PDE8B: variants seen among roughly 807,000 people sequenced by gnomAD.
PDE8B encodes the protein phosphodiesterase 8B, also known as high affinity cAMP-specific and IBMX-insensitive 3',5'-cyclic phosphodiesterase 8B.
In PDE8B, 26 loss-of-function variants were observed where a neutral mutation model predicts 101.3. The observed-to-expected ratio is 0.26, with a 90% CI of 0.19 to 0.36. The LOEUF is 0.36. Among genes scored for constraint, PDE8B ranks in the 10% least tolerant of loss-of-function variants. PDE8B has a pLI of 1.00. For synonymous variants in PDE8B, 424 were observed against 429.3 expected (o/e 0.99, Z 0.15); for missense variants, 810 against 1,163.1 (o/e 0.70, Z 4.42).
intron 9 of PDE8B, among the ~76,000 whole-genome samples, chr5:77,352,539 A>C (rs1264075246): frequency 2.0e-5 from 3 of 152,212 alleles, no homozygotes; most frequent in Non-Finnish European, 2.9e-5. Context: ...ATTCTTATTA[A>C]AAGTAGGGAA....
the PDE8B span, among the ~76,000 whole-genome samples, chr5:77,093,434 C>T: frequency 1.3e-5 from 2 of 151,946 alleles, no homozygotes; most frequent in South Asian, 4.2e-4. Flanking sequence ...ATGGTAATGT[C>T]CCCTCTTTCC....
the PDE8B span, among the ~76,000 whole-genome samples, chr5:77,091,941 A>C: frequency 1.3e-5 from 2 of 152,228 alleles, no homozygotes; most frequent in South Asian, 4.1e-4. Context: ...TCTGGAGACT[A>C]TTCCTGCCCT....
chr5:77,150,798 G>A, the PDE8B span, among the ~76,000 whole-genome samples: 2 of 152,062 alleles, frequency 1.3e-5, no homozygotes, highest in Admixed American at 6.6e-5. Context: ...GCAACCCAGA[G>A]GCAATGAGAA....
At chr5:77,249,985 C>A (rs557784516) in intron 1 of PDE8B, among the ~76,000 whole-genome samples, 46 of 152,334 alleles carry the variant, frequency 3.0e-4, no homozygotes, top group African/African-American at 1.1e-3. Flanking sequence ...ATGCACACGT[C>A]CCTGTTATAC....
At chr5:77,234,768 T>G (rs1223158691) in intron 1 of PDE8B, among the ~76,000 whole-genome samples, 1 of 152,198 alleles carries the variant, frequency 6.6e-6, no homozygotes, top group African/African-American at 2.4e-5. Flanking sequence ...AATGTTATCT[T>G]TGGAAGTAAG....
chr5:77,221,814 G>T (rs907166552), intron 1 of PDE8B, among the ~76,000 whole-genome samples: 2 of 152,172 alleles, frequency 1.3e-5, no homozygotes, highest in African/African-American at 4.8e-5. Flanking sequence ...TGCTTAGACT[G>T]CCCAGTTTTG....
chr5:77,201,674 C>T, the PDE8B span, among the ~76,000 whole-genome samples: 2 of 152,184 alleles, frequency 1.3e-5, no homozygotes, highest in South Asian at 4.1e-4. Flanking sequence ...ATATCACTGG[C>T]TCCCTGGCTC....
At chr5:77,406,120 C>T (rs530739649) in intron 12 of PDE8B, among the ~76,000 whole-genome samples, 1 of 152,022 alleles carries the variant, frequency 6.6e-6, no homozygotes, top group Non-Finnish European at 1.5e-5. Context: ...AACCCCCTCT[C>T]TACTAAAAAT....
chr5:77,313,380 G>A (rs1339747376), intron 2 of PDE8B, among the ~76,000 whole-genome samples: 2 of 151,710 alleles, frequency 1.3e-5, no homozygotes, highest in Non-Finnish European at 2.9e-5. Context: ...ATAAACACCA[G>A]CCACAACTAT....
chr5:77,323,494 T>C (rs1775463285), intron 2 of PDE8B, among the ~76,000 whole-genome samples: 1 of 152,246 alleles, frequency 6.6e-6, no homozygotes, highest in Non-Finnish European at 1.5e-5. Flanking sequence ...ATGGATGAGA[T>C]AAAATAGCTG....
At position 77,426,568 on chromosome 5, in the gene PDE8B, A is replaced by AGG. The variant is rs571702160; in HGVS notation, c.*18_*19dup. ...TCTGACAGCTAAAGCCAAGCCACAGAGGGGGCCTCTTGACCGACAAAGGAC... is the reference window on the plus strand; with the variant it reads ...TCTGACAGCTAAAGCCAAGCCACAGAGGGGGGGCCTCTTGACCGACAAAGGAC... On this transcript the variant is annotated 3_prime_UTR_variant, in exon 22 of 22. Transcript: ENST00000264917. The AGG allele has an allele frequency of 4.9e-6, 7 of 1,419,080 alleles. No homozygotes were observed. The highest frequency in any genetic ancestry group is 7.0e-6 in the Non-Finnish European group (7 of 1,002,638). 87.9% of individuals were successfully genotyped at this position (1,419,080 alleles called of 1,614,324 possible).
chr5:77,188,245 G>C, the PDE8B span, among the ~76,000 whole-genome samples: 1 of 152,114 alleles, frequency 6.6e-6, no homozygotes, highest in African/African-American at 2.4e-5. Flanking sequence ...CCTGGCTTTC[G>C]ATGGAATGAT....
At chr5:77,086,963 C>CCGGCCCGGAGAAGGG in the PDE8B span, 1 of 152,272 alleles carries the variant, frequency 6.6e-6, no homozygotes, top group South Asian at 2.1e-4. Flanking sequence ...GTCGCGACAG[C>CCGGCCCGGAGAAGGG]CGGCCCGGAG....
In PDE8B at chr5:77,345,791, G is replaced by A. The variant is rs762577909; in HGVS notation, c.876+860G>A. Reference sequence around the variant, plus strand: ...CTGCCTGCTGTTGGTTTGCAGAGTGGCATGGAGTGTGAGGAGCACTTATCA... The same window carrying A: ...CTGCCTGCTGTTGGTTTGCAGAGTGACATGGAGTGTGAGGAGCACTTATCA... On this transcript the variant is annotated intron_variant, in intron 7 of 21. Coordinates refer to ENST00000264917, the MANE Select transcript of PDE8B (RefSeq NM_003719.5). Among the ~76,000 whole-genome samples, 5 of 152,266 alleles carry A rather than the reference G, an allele frequency of 3.3e-5. No individual in the cohort carries two copies. The Middle Eastern group carries it at 0.014, about 414-fold the overall frequency.
At chr5:77,223,581 G>A (rs1751675905) in intron 1 of PDE8B, among the ~76,000 whole-genome samples, 1 of 151,934 alleles carries the variant, frequency 6.6e-6, no homozygotes, top group Non-Finnish European at 1.5e-5. Flanking sequence ...TTTACAATTT[G>A]ACATTGTAAC....
chr5:77,182,869 C>G, the PDE8B span, among the ~76,000 whole-genome samples: 1 of 150,618 alleles, frequency 6.6e-6, no homozygotes, highest in Non-Finnish European at 1.5e-5. Flanking sequence ...TAACACTGCT[C>G]TTTAGCTTTT....
intron 11 of PDE8B, among the ~76,000 whole-genome samples, chr5:77,401,047 T>C (rs2151005827): frequency 6.6e-6 from 1 of 152,340 alleles, no homozygotes; most frequent in East Asian, 1.9e-4. Context: ...CTTAGAAAGA[T>C]GTCATTTGCT....
the PDE8B span, among the ~76,000 whole-genome samples, chr5:77,148,980 G>C: frequency 2.0e-5 from 3 of 152,228 alleles, no homozygotes; most frequent in Admixed American, 1.3e-4. Context: ...TTTTCTTCCA[G>C]AAGTTTTGCA....
the PDE8B span, among the ~76,000 whole-genome samples, chr5:77,094,116 A>C: frequency 6.6e-6 from 1 of 152,106 alleles, no homozygotes; most frequent in Non-Finnish European, 1.5e-5. Flanking sequence ...GGGGACTTCA[A>C]AAAGGTTGTG....
Sources: gnomAD v4.1 joint callset for allele counts (sites outside exome capture counted in the v4.1 genomes callset) on GRCh38, gnomAD v4.1.1 for gene constraint, MANE v1.5 for transcripts, NCBI Gene and HGNC (gene_info 2026-07-23, HGNC 2026-07-21) for gene names.